MAP4K4: variants seen among roughly 807,000 people sequenced by gnomAD.
The protein encoded by MAP4K4 is mitogen-activated protein kinase kinase kinase kinase 4.
Under a neutral mutation model 189.6 loss-of-function variants are expected in MAP4K4, and 38 were observed. The ratio of observed to expected loss-of-function variants is 0.20; its 90% CI spans 0.15 to 0.26. MAP4K4 has a LOEUF of 0.26. Ranked by LOEUF, MAP4K4 falls within the 10% of genes least tolerant of loss-of-function variation. The probability of loss-of-function intolerance (pLI) is 1.00; values close to 1 mark genes in which losing one functional copy is unlikely to be tolerated. For synonymous variants in MAP4K4, 610 were observed against 624.3 expected (o/e 0.98, Z 0.34); for missense variants, 1,054 against 1,726.9 (o/e 0.61, Z 6.91).
intron 3 of MAP4K4, among the ~76,000 whole-genome samples, chr2:101,813,127 TAAATA>T: frequency 6.6e-6 from 1 of 152,212 alleles, no homozygotes; most frequent in East Asian, 1.9e-4. Flanking sequence ...TCAAAATAAA[TAAATA>T]AATAAATTGG....
intron 2 of MAP4K4, among the ~76,000 whole-genome samples, chr2:101,753,082 A>G (rs1384010841): frequency 6.6e-6 from 1 of 152,232 alleles, no homozygotes; most frequent in Non-Finnish European, 1.5e-5. Context: ...TTGTACATGC[A>G]ATATCTCATT....
rs1040733182 is a variant in MAP4K4 at position 101,801,029 on chromosome 2, TG to T, written c.180+10254del. On this transcript the variant is annotated intron_variant, in intron 3 of 32. Transcript: ENST00000324219. ...ACAAATTTTGTATAATCTAAATTGC[TG>T]TTTTTTTTAAAAAAATGGATACTGT... 4.8e-4 allele frequency among the ~76,000 whole-genome samples: 21 copies of T among 43,982 alleles called. No homozygotes were observed. The African/African-American group carries it at 5.9e-3, about 12-fold the overall frequency. The allele number at this position is 43,982 out of a possible 152,430, so 28.9% of individuals were successfully genotyped here.
chr2:101,699,609 G>T (rs1488764406), intron 2 of MAP4K4, among the ~76,000 whole-genome samples: 2 of 152,148 alleles, frequency 1.3e-5, no homozygotes, highest in Non-Finnish European at 2.9e-5. Flanking sequence ...GAGTTGGGGG[G>T]GTTGGAAGCC....
exon 25 of MAP4K4, chr2:101,873,654 C>A (rs1485204400): frequency 6.3e-7 from 1 of 1,579,804 alleles, no homozygotes; most frequent in African/African-American, 1.3e-5. Flanking sequence ...CAGACTCAGT[C>A]CGCTAGTAGC....
intron 3 of MAP4K4, among the ~76,000 whole-genome samples, chr2:101,812,708 G>A (rs548366148): frequency 5.3e-5 from 8 of 152,312 alleles, no homozygotes; most frequent in Admixed American, 4.6e-4. Context: ...CATACAGTGT[G>A]CTTATGGTGC....
intron 2 of MAP4K4, among the ~76,000 whole-genome samples, chr2:101,742,132 A>C (rs1388884276): frequency 2.0e-5 from 3 of 152,080 alleles, no homozygotes; most frequent in African/African-American, 7.2e-5. Flanking sequence ...CTGGAGGAAG[A>C]ATTGCAGAGG....
At chr2:101,737,667 G>C (rs2060998378) in intron 2 of MAP4K4, among the ~76,000 whole-genome samples, 1 of 151,180 alleles carries the variant, frequency 6.6e-6, no homozygotes, top group South Asian at 2.1e-4. Context: ...TCCATTCTCT[G>C]CCACTCCTTT....
rs1553478618 is a variant in MAP4K4 at position 101,797,889 on chromosome 2, G to GTGTTTTTTTGT, written c.180+7114_180+7115insGTTTTTTTGTT. Reference sequence around the variant, plus strand: ...TGAAGCTTTTTAAAACATTCTTTTAGTTTTTTTTTTTTTTTTTTTTTGGAG... The same window carrying GTGTTTTTTTGT: ...TGAAGCTTTTTAAAACATTCTTTTAGTGTTTTTTTGTTTTTTTTTTTTTTTTTTTTTTGGAG... On this transcript the variant is annotated intron_variant, in intron 3 of 32. Transcript: ENST00000324219. Among the ~76,000 whole-genome samples, 31 of 52,326 alleles carry GTGTTTTTTTGT rather than the reference G, an allele frequency of 5.9e-4. 4 individuals are homozygous for GTGTTTTTTTGT. Among genetic ancestry groups the GTGTTTTTTTGT allele is most frequent in the African/African-American group, 2.3e-3 (30 of 13,156 alleles). 34.3% of individuals were successfully genotyped at this position (52,326 alleles called of 152,430 possible).
At chr2:101,698,024 T>G (rs2035224844) in exon 1 of MAP4K4, 1 of 1,208,880 alleles carries the variant, frequency 8.3e-7, no homozygotes, top group African/African-American at 1.6e-5. Context: ...GCGGCTGAGA[T>G]ACACAGAGCG....
intron 24 of MAP4K4, among the ~76,000 whole-genome samples, chr2:101,872,174 T>G (rs2098053346): frequency 6.6e-6 from 1 of 151,930 alleles, no homozygotes; most frequent in Admixed American, 6.6e-5. Flanking sequence ...TTTTTTTTCT[T>G]GTTTGGGGGG....
At chr2:101,747,660 ATC>A in intron 2 of MAP4K4, among the ~76,000 whole-genome samples, 1 of 152,302 alleles carries the variant, frequency 6.6e-6, no homozygotes, top group South Asian at 2.1e-4. Context: ...AGCCTTATTT[ATC>A]TCTTTTTCCT....
intron 3 of MAP4K4, among the ~76,000 whole-genome samples, chr2:101,808,409 T>C (rs2095156875): frequency 6.6e-6 from 1 of 152,194 alleles, no homozygotes; most frequent in Admixed American, 6.5e-5. Context: ...TGCTGGGTGG[T>C]GAATGTTTTC....
chr2:101,804,541 T>C (rs1285818550), intron 3 of MAP4K4, among the ~76,000 whole-genome samples: 2 of 152,280 alleles, frequency 1.3e-5, no homozygotes, highest in East Asian at 3.9e-4. Context: ...GTCCCCAGCA[T>C]GTCCAGGGGT....
chr2:101,786,195 T>C (rs1467693176), intron 2 of MAP4K4, among the ~76,000 whole-genome samples: 1 of 152,124 alleles, frequency 6.6e-6, no homozygotes, highest in Non-Finnish European at 1.5e-5. Flanking sequence ...GGCTCCTCTC[T>C]ATGGGCCAGG....
intron 2 of MAP4K4, among the ~76,000 whole-genome samples, chr2:101,754,601 G>T (rs1324694407): frequency 1.3e-5 from 2 of 152,134 alleles, no homozygotes; most frequent in Non-Finnish European, 2.9e-5. Flanking sequence ...TGATCTGCCT[G>T]CCTTGGCCTC....
At chr2:101,780,995 T>C (rs1050695556) in intron 2 of MAP4K4, among the ~76,000 whole-genome samples, 1 of 152,150 alleles carries the variant, frequency 6.6e-6, no homozygotes, top group Non-Finnish European at 1.5e-5. Context: ...CCAGTTGGGT[T>C]TTTCAAGTGA....
chr2:101,885,931 A>G (rs1405531276), intron 29 of MAP4K4, among the ~76,000 whole-genome samples: 1 of 152,174 alleles, frequency 6.6e-6, no homozygotes, highest in Non-Finnish European at 1.5e-5. Flanking sequence ...TACTCATGAA[A>G]TTTACAAATA....
chr2:101,805,288 A>G (rs759544024), intron 3 of MAP4K4, among the ~76,000 whole-genome samples: 4 of 152,160 alleles, frequency 2.6e-5, no homozygotes, highest in Middle Eastern at 3.4e-3. Context: ...GTTCCATGCA[A>G]GGGTGACACT....
intron 2 of MAP4K4, among the ~76,000 whole-genome samples, chr2:101,777,249 T>C (rs1253018241): frequency 2.0e-5 from 3 of 152,240 alleles, no homozygotes; most frequent in Non-Finnish European, 4.4e-5. Flanking sequence ...AGTAGCTGGC[T>C]ATTGGGAATG....
Sources: gnomAD v4.1 joint callset for allele counts (sites outside exome capture counted in the v4.1 genomes callset) on GRCh38, gnomAD v4.1.1 for gene constraint, MANE v1.5 for transcripts, NCBI Gene and HGNC (gene_info 2026-07-23, HGNC 2026-07-21) for gene names.